Variants in RBPJ observed in about 807,000 individuals in gnomAD.
RBPJ encodes the protein recombination signal binding protein for immunoglobulin kappa J region, also known as recombining binding protein suppressor of hairless.
RBPJ carries 9 observed loss-of-function variants against 67.8 expected under a neutral mutation model. That is an observed-to-expected ratio of 0.13 (90% CI 0.08 to 0.23). RBPJ has a LOEUF of 0.23. RBPJ is among the 10% of genes least tolerant of loss of function. The pLI is 1.00. For missense variants in RBPJ, 305 were observed against 595.6 expected (o/e 0.51, Z 5.08); for synonymous variants, 198 against 203.3 (o/e 0.97, Z 0.22).
Position 26,397,007 on chromosome 4 carries a change from G to T in RBPJ, c.60-9168G>T, listed in dbSNP as rs575669527. Among the ~76,000 whole-genome samples the T allele has an allele frequency of 2.0e-4, 31 of 152,314 alleles. No individual in the cohort carries two copies. In the South Asian group the frequency reaches 6.2e-3, roughly 31 times the overall value. On this transcript the variant is annotated intron_variant, in intron 2 of 10. Coordinates refer to ENST00000355476, the MANE Select transcript of RBPJ (RefSeq NM_015874.6). ...AAAACTGGTCCTCAGGCAAACAGTA[G>T]TTCTCAGGAAGCTTCCTTGGAAGAA...
chr4:26,229,810 G>A (rs1253232620), intron 1 of RBPJ, among the ~76,000 whole-genome samples: 1 of 152,174 alleles, frequency 6.6e-6, no homozygotes, highest in African/African-American at 2.4e-5. Flanking sequence ...AAGGTACTGA[G>A]CCAGGTTTAG....
At chr4:26,252,466 G>A (rs1720146470) in intron 1 of RBPJ, among the ~76,000 whole-genome samples, 1 of 149,438 alleles carries the variant, frequency 6.7e-6, no homozygotes, top group African/African-American at 2.6e-5. Flanking sequence ...ACGCACCTGT[G>A]GTCACAGCTC....
At chr4:26,371,072 T>TC (rs1729112891) in intron 1 of RBPJ, among the ~76,000 whole-genome samples, 1 of 146,972 alleles carries the variant, frequency 6.8e-6, no homozygotes, top group Non-Finnish European at 1.5e-5. Context: ...AGAGCGAGAC[T>TC]CCATCTCAAA....
chr4:26,364,598 CTTT>C (rs10939108), intron 1 of RBPJ, among the ~76,000 whole-genome samples: 36 of 125,398 alleles, frequency 2.9e-4, no homozygotes, highest in African/African-American at 9.8e-4. Flanking sequence ...ATTTGGAAGA[CTTT>C]TTTTTTTTTT....
At chr4:26,316,827 C>CTTTTTTTTTTTTTTTTTTTTTTTTTTTT (rs56130072), upstream of RBPJ, among the ~76,000 whole-genome samples, 6 of 71,396 alleles carry the variant, frequency 8.4e-5, 3 homozygotes, top group African/African-American at 2.2e-4. Flanking sequence ...ACCCAGACGA[C>CTTTTTTTTTTTTTTTTTTTTTTTTTTTT]TTTTTTTTTT....
Position 26,337,405 on chromosome 4 carries a change from C to T in RBPJ, c.20+16357C>T, listed in dbSNP as rs1006861971. ...TTTCCTCTACATAAATTGAATTATA[C>T]CAATTCAGCAGCATATTGTTCTTCT... On this transcript the variant is annotated intron_variant, in intron 1 of 10. Coordinates refer to ENST00000355476, the MANE Select transcript of RBPJ (RefSeq NM_015874.6). Among the ~76,000 whole-genome samples, 16 of 152,160 alleles carry T rather than the reference C, an allele frequency of 1.1e-4. 1 individual carries two copies. Among genetic ancestry groups the T allele is most frequent in the African/African-American group, 3.9e-4 (16 of 41,442 alleles).
intron 1 of RBPJ, among the ~76,000 whole-genome samples, chr4:26,314,450 C>A (rs1350594991): frequency 6.6e-6 from 1 of 152,152 alleles, no homozygotes; most frequent in African/African-American, 2.4e-5. Context: ...CCGCCCAAAT[C>A]TTAGGTCAAA....
At chr4:26,396,228 T>C (rs1281372354) in intron 2 of RBPJ, among the ~76,000 whole-genome samples, 1 of 152,252 alleles carries the variant, frequency 6.6e-6, no homozygotes, top group Non-Finnish European at 1.5e-5. Context: ...TGAATAGTAA[T>C]ACATGAACTT....
chr4:26,176,726 A>G (rs1560198234), intron 1 of RBPJ, among the ~76,000 whole-genome samples: 1 of 152,236 alleles, frequency 6.6e-6, no homozygotes, highest in Admixed American at 6.5e-5. Flanking sequence ...TTCGAGTCAC[A>G]TTACATTCGT....
chr4:26,291,566 G>A (rs1397988247), intron 1 of RBPJ, among the ~76,000 whole-genome samples: 2 of 150,276 alleles, frequency 1.3e-5, no homozygotes, highest in African/African-American at 4.9e-5. Flanking sequence ...GACAAGACAA[G>A]CAGGTATGAA....
intron 1 of RBPJ, among the ~76,000 whole-genome samples, chr4:26,172,525 ATCAATGTAGCGTTCTTTCC>A (rs1364359391): frequency 6.6e-6 from 1 of 152,226 alleles, no homozygotes; most frequent in Non-Finnish European, 1.5e-5. Context: ...CAGAAATTTT[ATCAATGTAGCGTTCTTTCC>A]TCAAAAGCCT....
chr4:26,171,161 A>G (rs957289119), intron 1 of RBPJ, among the ~76,000 whole-genome samples: 3 of 152,262 alleles, frequency 2.0e-5, no homozygotes, highest in African/African-American at 7.2e-5. Flanking sequence ...ATCACTTGTA[A>G]AAATGAGTAT....
rs183449368 is a variant in RBPJ, at chr4:26,274,805, A to T, written c.-166-87641A>T. Among the ~76,000 whole-genome samples, 72 of 152,214 alleles carry T rather than the reference A, an allele frequency of 4.7e-4. No individual in the cohort carries two copies. In the East Asian group the frequency reaches 0.01, roughly 22 times the overall value. ...AAAAATTAGCCAGGGGTGGTGGTGC[A>T]CATTTGTGATCCCAGCTATTCGGAA... On this transcript the variant is annotated intron_variant, in intron 1 of 4. Transcript: ENST00000512351.
chr4:26,396,863 G>C (rs1024562265), intron 2 of RBPJ, among the ~76,000 whole-genome samples: 7 of 152,200 alleles, frequency 4.6e-5, no homozygotes, highest in African/African-American at 1.7e-4. Context: ...CTGTACTGTT[G>C]TTTAGCTTTG....
intron 1 of RBPJ, 151 bp from the exon 2 acceptor site, chr4:26,386,202 A>G (rs750712178): frequency 3.1e-4 from 187 of 595,806 alleles, no homozygotes; most frequent in Non-Finnish European, 5.2e-4. Flanking sequence ...ATTTTGGGAT[A>G]CAGATGCTTA....
intron 1 of RBPJ, among the ~76,000 whole-genome samples, chr4:26,352,966 G>C (rs1451681881): frequency 6.6e-6 from 1 of 152,052 alleles, no homozygotes; most frequent in Non-Finnish European, 1.5e-5. Context: ...CTTATGTACC[G>C]GTAGCTTTGT....
At chr4:26,345,439 C>T (rs557390150) in intron 1 of RBPJ, among the ~76,000 whole-genome samples, 2 of 152,288 alleles carry the variant, frequency 1.3e-5, no homozygotes, top group African/African-American at 4.8e-5. Context: ...TCGTATTGGT[C>T]CCCAAAAGCG....
chr4:26,332,027 A>G (rs1031803480), intron 1 of RBPJ, among the ~76,000 whole-genome samples: 9 of 152,212 alleles, frequency 5.9e-5, no homozygotes, highest in Non-Finnish European at 8.8e-5. Context: ...TCTCTTGACT[A>G]TGGGATTCAT....
At chr4:26,371,046 C>T (rs1268527126) in intron 1 of RBPJ, among the ~76,000 whole-genome samples, 1 of 150,502 alleles carries the variant, frequency 6.6e-6, no homozygotes, top group African/African-American at 2.5e-5. Context: ...CGCCACTGCA[C>T]TCCAGCCTGG....
Sources: allele counts gnomAD v4.1 joint callset (sites outside exome capture counted in the v4.1 genomes callset), GRCh38; gene constraint gnomAD v4.1.1; transcripts MANE v1.5; gene names NCBI Gene and HGNC (gene_info 2026-07-23, HGNC 2026-07-21).